Variants in STAU2 observed in about 807,000 individuals in gnomAD.
STAU2 encodes staufen double-stranded RNA binding protein 2, also known as double-stranded RNA-binding protein Staufen homolog 2.
STAU2 carries 20 observed loss-of-function variants against 65.9 expected under a neutral mutation model. The observed-to-expected ratio is 0.30, with a 90% confidence interval of 0.21 to 0.44. The LOEUF (loss-of-function observed/expected upper bound fraction) is 0.44. Ranked by LOEUF, STAU2 falls within the 20% of genes least tolerant of loss-of-function variation. The probability of loss-of-function intolerance (pLI) is 1.00; values close to 1 mark genes in which losing one functional copy is unlikely to be tolerated. For synonymous variants in STAU2, 232 were observed against 233.9 expected (o/e 0.99, Z 0.07); for missense variants, 558 against 683.9 (o/e 0.82, Z 2.05).
intron 11 of STAU2, among the ~76,000 whole-genome samples, chr8:73,585,188 A>C (rs1810271734): frequency 1.3e-5 from 2 of 152,368 alleles, no homozygotes; most frequent in South Asian, 4.1e-4. Context: ...TTACCTCAAT[A>C]CTATACAATT....
intron 12 of STAU2, among the ~76,000 whole-genome samples, chr8:73,570,362 A>G (rs1423646989): frequency 6.6e-6 from 1 of 152,206 alleles, no homozygotes; most frequent in Non-Finnish European, 1.5e-5. Flanking sequence ...TGACGGGGGG[A>G]ATGGAACCAA....
At chr8:73,539,238 G>C (rs1806367424) in intron 13 of STAU2, among the ~76,000 whole-genome samples, 3 of 152,020 alleles carry the variant, frequency 2.0e-5, no homozygotes, top group Admixed American at 2.0e-4. Context: ...ACTTGCCATA[G>C]AATAAACAGA....
intron 6 of STAU2, among the ~76,000 whole-genome samples, chr8:73,627,307 G>C (rs779336614): frequency 6.7e-6 from 1 of 148,292 alleles, no homozygotes; most frequent in Non-Finnish European, 1.5e-5. Flanking sequence ...TCCTAATGGG[G>C]TCTAGAAACA....
chr8:73,465,052 A>G (rs1819575352), intron 13 of STAU2, among the ~76,000 whole-genome samples: 1 of 152,246 alleles, frequency 6.6e-6, no homozygotes. Context: ...CTTGCTGAGA[A>G]AATACTTAAT....
chr8:73,484,199 C>T (rs1027028198), intron 13 of STAU2, among the ~76,000 whole-genome samples: 18 of 152,080 alleles, frequency 1.2e-4, no homozygotes, highest in African/African-American at 3.4e-4. Context: ...CAGAAGCCAA[C>T]ATAATGATAT....
At chr8:73,427,305 T>C (rs1816898889) in intron 13 of STAU2, among the ~76,000 whole-genome samples, 3 of 152,154 alleles carry the variant, frequency 2.0e-5, no homozygotes, top group Admixed American at 2.0e-4. Context: ...AGGGTGTTAC[T>C]CTAGGTGCTT....
chr8:73,713,145 T>C (rs895043157), intron 3 of STAU2, among the ~76,000 whole-genome samples: 1 of 152,226 alleles, frequency 6.6e-6, no homozygotes, highest in African/African-American at 2.4e-5. Context: ...CTTACAACTT[T>C]GATAAGAAAC....
At chr8:73,623,044 C>G (rs1813379765) in intron 6 of STAU2, among the ~76,000 whole-genome samples, 2 of 152,306 alleles carry the variant, frequency 1.3e-5, no homozygotes, top group South Asian at 4.1e-4. Context: ...CAAGATACCA[C>G]AAGTCAATAC....
chr8:73,539,031 T>G (rs1233230707), intron 13 of STAU2, among the ~76,000 whole-genome samples: 1 of 152,140 alleles, frequency 6.6e-6, no homozygotes, highest in Non-Finnish European at 1.5e-5. Flanking sequence ...TGACACAGAA[T>G]TTGATGGAGA....
intron 6 of STAU2, among the ~76,000 whole-genome samples, chr8:73,632,884 C>A (rs999451740): frequency 1.3e-5 from 2 of 152,176 alleles, no homozygotes; most frequent in Admixed American, 6.5e-5. Context: ...AGGCCAGACT[C>A]CCCTGCAAAT....
intron 13 of STAU2, among the ~76,000 whole-genome samples, chr8:73,429,816 C>T (rs1053987357): frequency 3.9e-5 from 6 of 152,124 alleles, no homozygotes; most frequent in African/African-American, 1.4e-4. Context: ...TTCAAAATCA[C>T]TCATTACCTC....
chr8:73,492,703 T>C (rs1821208915), intron 13 of STAU2, among the ~76,000 whole-genome samples: 3 of 151,708 alleles, frequency 2.0e-5, no homozygotes, highest in Admixed American at 6.6e-5. Flanking sequence ...TTGATGGGAG[T>C]GTAAAAGACA....
chr8:73,709,968 CA>C (rs1202689198), intron 3 of STAU2, among the ~76,000 whole-genome samples: 2 of 151,950 alleles, frequency 1.3e-5, no homozygotes, highest in African/African-American at 2.4e-5. Flanking sequence ...ATAAATCTAG[CA>C]CATTAATTTT....
At chr8:73,690,328 C>CAAAAAAAAAAAAAAAAAAAA (rs56744849) in intron 4 of STAU2, among the ~76,000 whole-genome samples, 1 of 58,256 alleles carries the variant, frequency 1.7e-5, no homozygotes, top group African/African-American at 6.6e-5. Flanking sequence ...GACTCTGTCT[C>CAAAAAAAAAAAAAAAAAAAA]AAAAAAAAAA....
chr8:73,443,202 T>G (rs2128891459), intron 13 of STAU2, among the ~76,000 whole-genome samples: 1 of 152,350 alleles, frequency 6.6e-6, no homozygotes, highest in Non-Finnish European at 1.5e-5. Context: ...AGGGTGACTG[T>G]GCCAGAATTA....
chr8:73,501,245 C>T (rs1821734728), intron 13 of STAU2, among the ~76,000 whole-genome samples: 1 of 151,800 alleles, frequency 6.6e-6, no homozygotes. Flanking sequence ...ACTGAACCCT[C>T]ATTAAAATGT....
chr8:73,731,894 G>A (rs573463118), intron 3 of STAU2, among the ~76,000 whole-genome samples: 106 of 152,278 alleles, frequency 7.0e-4, no homozygotes, highest in African/African-American at 2.0e-3. Flanking sequence ...AGCTGAGATC[G>A]TACCACTGCA....
intron 6 of STAU2, among the ~76,000 whole-genome samples, chr8:73,665,166 T>TA (rs1388298461): frequency 5.5e-4 from 83 of 151,440 alleles, no homozygotes; most frequent in South Asian, 2.5e-3. Context: ...TTCTCCCAAA[T>TA]AAAAAAAAAT....
intron 4 of STAU2, among the ~76,000 whole-genome samples, chr8:73,691,507 G>C (rs1175455773): frequency 6.6e-6 from 1 of 151,842 alleles, no homozygotes; most frequent in African/African-American, 2.4e-5. Flanking sequence ...CCTTTGAGAG[G>C]TCTTCCCTTC....
Sources: allele counts gnomAD v4.1 joint callset (sites outside exome capture counted in the v4.1 genomes callset), GRCh38; gene constraint gnomAD v4.1.1; transcripts MANE v1.5; gene names NCBI Gene and HGNC (gene_info 2026-07-23, HGNC 2026-07-21).